Variants in NDRG1 observed in about 807,000 individuals in gnomAD.
NDRG1 encodes the protein protein NDRG1.
Under a neutral mutation model 56.9 loss-of-function variants are expected in NDRG1, and 32 were observed. The ratio of observed to expected loss-of-function variants is 0.56; its 90% CI spans 0.42 to 0.76. The LOEUF is 0.76. NDRG1 is among the 30% of genes least tolerant of loss of function. NDRG1 has a pLI of 0.00. For synonymous variants in NDRG1, 211 were observed against 204.1 expected (o/e 1.03, Z -0.29); for missense variants, 507 against 545.7 (o/e 0.93, Z 0.71).
At chr8:133,259,691 AAT>A (rs1382583123) in intron 5 of NDRG1, among the ~76,000 whole-genome samples, 3 of 136,512 alleles carry the variant, frequency 2.2e-5, no homozygotes, top group Non-Finnish European at 4.8e-5. Context: ...AACAGGCATG[AAT>A]GAGTTCCATC....
intron 3 of NDRG1, among the ~76,000 whole-genome samples, chr8:133,274,758 A>G (rs1857367999): frequency 6.6e-6 from 1 of 152,206 alleles, no homozygotes; most frequent in Non-Finnish European, 1.5e-5. Flanking sequence ...TTCCAGGAAC[A>G]GGGCTATACT....
intron 5 of NDRG1, among the ~76,000 whole-genome samples, chr8:133,260,397 A>C (rs984410136): frequency 6.6e-6 from 1 of 152,220 alleles, no homozygotes; most frequent in Non-Finnish European, 1.5e-5. Flanking sequence ...AGGAAGAAAC[A>C]AGTCAGGTCC....
At chr8:133,245,380 A>G (rs1055418287) in intron 13 of NDRG1, among the ~76,000 whole-genome samples, 2 of 152,210 alleles carry the variant, frequency 1.3e-5, no homozygotes, top group African/African-American at 4.8e-5. Context: ...CACTGTGGCT[A>G]TACTTGGAAA....
At chr8:133,285,589 C>T (rs545708256) in intron 1 of NDRG1, among the ~76,000 whole-genome samples, 4 of 152,330 alleles carry the variant, frequency 2.6e-5, no homozygotes, top group South Asian at 4.1e-4. Context: ...AGAGGTCAGC[C>T]GGCAAGTGCG....
intron 14 of NDRG1, among the ~76,000 whole-genome samples, chr8:133,243,858 G>A (rs939174215): frequency 2.0e-5 from 3 of 152,198 alleles, no homozygotes; most frequent in Non-Finnish European, 2.9e-5. Flanking sequence ...GATCAGTTAC[G>A]TAGCAAACAC....
At chr8:133,255,705 T>A (rs930701440) in intron 8 of NDRG1, 4 of 253,690 alleles carry the variant, frequency 1.6e-5, no homozygotes, top group Non-Finnish European at 3.2e-5. Flanking sequence ...CAGTGGCTGG[T>A]ACAGGGCAGG....
chr8:133,251,228 T>C (rs1856020118), intron 9 of NDRG1, among the ~76,000 whole-genome samples: 1 of 152,198 alleles, frequency 6.6e-6, no homozygotes. Flanking sequence ...ACTTGTTTGC[T>C]CTGTTTCTCA....
At chr8:133,241,601 G>C (rs1855384992) in intron 15 of NDRG1, 1 of 294,690 alleles carries the variant, frequency 3.4e-6, no homozygotes. Context: ...AAGGAGTACT[G>C]TGATGGTTCA....
intron 1 of NDRG1, among the ~76,000 whole-genome samples, chr8:133,289,477 G>C (rs897086226): frequency 6.6e-6 from 1 of 152,142 alleles, no homozygotes; most frequent in Non-Finnish European, 1.5e-5. Context: ...CAAGGTTTCT[G>C]ATTATCAGGC....
chr8:133,258,221 T>G, intron 7 of NDRG1, 145 bp downstream of exon 7: 2 of 779,190 alleles, frequency 2.6e-6, no homozygotes, highest in Non-Finnish European at 4.4e-6. Context: ...CGAGTACCCA[T>G]GCACCACACA....
intron 14 of NDRG1, among the ~76,000 whole-genome samples, chr8:133,242,682 T>C (rs565108390): frequency 3.4e-5 from 5 of 145,784 alleles, no homozygotes; most frequent in Non-Finnish European, 6.0e-5. Context: ...GATAGATGGA[T>C]GGGTGGAAAG....
intron 6 of NDRG1, among the ~76,000 whole-genome samples, chr8:133,258,720 T>G (rs529527376): frequency 6.6e-6 from 1 of 152,342 alleles, no homozygotes; most frequent in East Asian, 1.9e-4. Context: ...ACTCTTAAGC[T>G]TTATTTTGGA....
At chr8:133,242,723 AAG>A (rs869162419) in intron 14 of NDRG1, among the ~76,000 whole-genome samples, 36 of 42,170 alleles carry the variant, frequency 8.5e-4, no homozygotes, top group African/African-American at 2.5e-3. Flanking sequence ...GGAAGGAAAA[AAG>A]AAAGAAAGGA....
At chr8:133,258,663 A>G (rs1381864316) in intron 6 of NDRG1, among the ~76,000 whole-genome samples, 1 of 152,176 alleles carries the variant, frequency 6.6e-6, no homozygotes, top group Non-Finnish European at 1.5e-5. Context: ...GCTCTGAGAG[A>G]CCGTCTGACA....
At chr8:133,260,888 T>C (rs1223726860) in intron 5 of NDRG1, among the ~76,000 whole-genome samples, 1 of 152,148 alleles carries the variant, frequency 6.6e-6, no homozygotes, top group Non-Finnish European at 1.5e-5. Flanking sequence ...AGGGGTTATC[T>C]CTGAGGTCTG....
intron 7 of NDRG1, among the ~76,000 whole-genome samples, chr8:133,257,663 G>A (rs1382077374): frequency 6.6e-6 from 1 of 152,176 alleles, no homozygotes; most frequent in African/African-American, 2.4e-5. Context: ...TGACCAAAAT[G>A]TCATTATGTG....
chr8:133,273,961 C>T (rs1265587001), intron 3 of NDRG1, among the ~76,000 whole-genome samples: 2 of 152,214 alleles, frequency 1.3e-5, no homozygotes, highest in Admixed American at 6.5e-5. Context: ...GGAGGCCTCT[C>T]AGCCGAGCCA....
At chr8:133,262,607 C>T (rs1048572413) in intron 4 of NDRG1, among the ~76,000 whole-genome samples, 3 of 152,166 alleles carry the variant, frequency 2.0e-5, no homozygotes, top group Admixed American at 6.5e-5. Context: ...GGAGGTGAGG[C>T]GTGCCTCCTC....
chr8:133,259,508 G>C (rs1856558192), intron 5 of NDRG1: 1 of 502,860 alleles, frequency 2.0e-6, no homozygotes, highest in Non-Finnish European at 3.6e-6. Context: ...TCCCCTCATA[G>C]CAAGATTATA....
Sources: gnomAD v4.1 joint callset for allele counts (sites outside exome capture counted in the v4.1 genomes callset) on GRCh38, gnomAD v4.1.1 for gene constraint, MANE v1.5 for transcripts, NCBI Gene and HGNC (gene_info 2026-07-23, HGNC 2026-07-21) for gene names.